STK33: variants seen among roughly 807,000 people sequenced by gnomAD.
STK33 encodes the protein serine/threonine kinase 33, also known as serine/threonine-protein kinase 33.
Under a neutral mutation model 58.0 loss-of-function variants are expected in STK33, and 52 were observed. That is an observed-to-expected ratio of 0.90 (90% CI 0.72 to 1.13). The LOEUF (loss-of-function observed/expected upper bound fraction) is 1.13, where lower values mean the gene tolerates loss of function less well. Among genes scored for constraint, STK33 ranks in the 50% most tolerant of loss-of-function variants. The pLI is 0.00. For synonymous variants in STK33, 215 were observed against 200.1 expected (o/e 1.07, Z -0.63); for missense variants, 630 against 604.2 (o/e 1.04, Z -0.45).
chr11:8,400,085 T>C (rs1385508679), intron 15 of STK33, among the ~76,000 whole-genome samples: 6 of 152,082 alleles, frequency 3.9e-5, no homozygotes, highest in East Asian at 1.9e-4. Flanking sequence ...TTCCAATCAA[T>C]AGAAAAAGAG....
At chr11:8,449,258 T>G (rs1945942860) in intron 11 of STK33, among the ~76,000 whole-genome samples, 1 of 151,540 alleles carries the variant, frequency 6.6e-6, no homozygotes, top group African/African-American at 2.4e-5. Context: ...AGAAATACCA[T>G]TTGACCCAGC....
intron 1 of STK33, among the ~76,000 whole-genome samples, chr11:8,568,581 G>A (rs183110973): frequency 3.7e-4 from 56 of 152,236 alleles, no homozygotes; most frequent in African/African-American, 9.9e-4. Flanking sequence ...AAAATTAGAC[G>A]TTTGAAGTTT....
chr11:8,402,647 AT>A (rs1464532208), intron 15 of STK33, among the ~76,000 whole-genome samples: 7 of 152,178 alleles, frequency 4.6e-5, no homozygotes, highest in Non-Finnish European at 8.8e-5. Context: ...CTCCCCTCAA[AT>A]ATCTTTCATT....
intron 1 of STK33, among the ~76,000 whole-genome samples, chr11:8,489,314 T>C (rs1235383023): frequency 2.2e-5 from 3 of 137,552 alleles, no homozygotes; most frequent in Non-Finnish European, 3.2e-5. Context: ...AAAGAAAGTA[T>C]AAAGGTATAA....
chr11:8,499,276 C>G (rs1462374178), intron 1 of STK33, among the ~76,000 whole-genome samples: 1 of 152,162 alleles, frequency 6.6e-6, no homozygotes, highest in African/African-American at 2.4e-5. Flanking sequence ...TATGAACAGA[C>G]ACTTCTCAAA....
chr11:8,472,944 G>A (rs1224981112), intron 6 of STK33, among the ~76,000 whole-genome samples: 1 of 152,160 alleles, frequency 6.6e-6, no homozygotes, highest in Non-Finnish European at 1.5e-5. Context: ...TAATGAAAAT[G>A]TTCTCCACTT....
chr11:8,483,961 T>C (rs1297850781), intron 1 of STK33, among the ~76,000 whole-genome samples: 3 of 152,172 alleles, frequency 2.0e-5, no homozygotes, highest in African/African-American at 4.8e-5. Context: ...TTTTAAGAAA[T>C]AGAACATGAA....
At chr11:8,453,716 T>C (rs1316311056) in intron 10 of STK33, among the ~76,000 whole-genome samples, 1 of 152,218 alleles carries the variant, frequency 6.6e-6, no homozygotes, top group African/African-American at 2.4e-5. Context: ...TAACCAAATA[T>C]AGGCTCTTTG....
At chr11:8,358,025 C>T in the STK33 span, among the ~76,000 whole-genome samples, 1 of 152,236 alleles carries the variant, frequency 6.6e-6, no homozygotes, top group Non-Finnish European at 1.5e-5. Context: ...CCCATACAGG[C>T]TCCTGGTGTC....
chr11:8,479,815 C>A (rs1295363539), intron 2 of STK33, among the ~76,000 whole-genome samples: 2 of 152,040 alleles, frequency 1.3e-5, no homozygotes, highest in African/African-American at 4.8e-5. Flanking sequence ...TGCACTCTAG[C>A]CTGGGTGACA....
At chr11:8,550,927 G>C (rs2140560973) in intron 1 of STK33, among the ~76,000 whole-genome samples, 1 of 152,114 alleles carries the variant, frequency 6.6e-6, no homozygotes, top group African/African-American at 2.4e-5. Flanking sequence ...CAATCTACTG[G>C]TACCAATTTA....
rs540374757 is a variant in STK33 at position 8,548,770 on chromosome 11, CTTTGA to C, written c.-466+45308_-466+45312del. Among the ~76,000 whole-genome samples the C allele has an allele frequency of 4.9e-4, 74 of 152,210 alleles. 1 individual carries two copies. In the East Asian group the frequency reaches 0.011, roughly 23 times the overall value. On this transcript the variant is annotated intron_variant, in intron 1 of 15. Transcript: ENST00000687296. ...ACATCTTTCCATTTGTTTGTGTCCT[CTTTGA>C]TTTCTTTCTTCATATTTTATCATTT...
At chr11:8,359,587 G>A in the STK33 span, among the ~76,000 whole-genome samples, 5 of 152,192 alleles carry the variant, frequency 3.3e-5, no homozygotes, top group South Asian at 2.1e-4. Context: ...ATAGGCCTGC[G>A]CGCCTCCTCA....
intron 1 of STK33, among the ~76,000 whole-genome samples, chr11:8,520,433 C>G (rs946278079): frequency 6.6e-5 from 10 of 152,100 alleles, no homozygotes; most frequent in Non-Finnish European, 1.0e-4. Flanking sequence ...AAAACTGGCA[C>G]AAGACAGGGA....
At chr11:8,568,367 GATTT>G (rs1957584696) in intron 1 of STK33, among the ~76,000 whole-genome samples, 2 of 152,110 alleles carry the variant, frequency 1.3e-5, no homozygotes, top group African/African-American at 4.8e-5. Flanking sequence ...AAAAAGAACT[GATTT>G]ATGTAACTGG....
At chr11:8,560,848 A>G (rs1461445503) in intron 1 of STK33, among the ~76,000 whole-genome samples, 1 of 152,172 alleles carries the variant, frequency 6.6e-6, no homozygotes, top group African/African-American at 2.4e-5. Context: ...ATGAGAATTA[A>G]ACTCATCTGA....
At chr11:8,403,517 G>C (rs74634852) in intron 15 of STK33, among the ~76,000 whole-genome samples, 8,898 of 152,270 alleles carry the variant, frequency 0.058, 457 homozygotes, top group East Asian at 0.27. Context: ...CAGCATCTCT[G>C]AGTGCTGCAT....
At chr11:8,379,110 G>T in the STK33 span, among the ~76,000 whole-genome samples, 2 of 151,140 alleles carry the variant, frequency 1.3e-5, no homozygotes, top group African/African-American at 4.8e-5. Flanking sequence ...AATGAAACTG[G>T]ATCCCTATCT....
chr11:8,489,688 A>G (rs1412633625), intron 1 of STK33, among the ~76,000 whole-genome samples: 1 of 152,200 alleles, frequency 6.6e-6, no homozygotes, highest in Non-Finnish European at 1.5e-5. Context: ...AACTCTTAAT[A>G]CTGTTACAAT....
Sources: allele counts gnomAD v4.1 joint callset (sites outside exome capture counted in the v4.1 genomes callset), GRCh38; gene constraint gnomAD v4.1.1; transcripts MANE v1.5; gene names NCBI Gene and HGNC (gene_info 2026-07-23, HGNC 2026-07-21).